The following RWDD2B variants were observed in gnomAD, a reference collection of about 807,000 sequenced individuals.
The protein encoded by RWDD2B is RWD domain-containing protein 2B.
A neutral mutation model predicts 33.6 loss-of-function variants in RWDD2B; 36 were observed. That is an observed-to-expected ratio of 1.07 (90% CI 0.82 to 1.42). The LOEUF (loss-of-function observed/expected upper bound fraction) is 1.42, where lower values mean the gene tolerates loss of function less well. Among genes scored for constraint, RWDD2B ranks in the 40% most tolerant of loss-of-function variants. RWDD2B has a pLI of 0.00. For missense variants in RWDD2B, 364 were observed against 377.5 expected, an observed-to-expected ratio of 0.96 and a Z score of 0.30; for synonymous variants, 126 against 133.1, an observed-to-expected ratio of 0.95 and a Z score of 0.37.
In RWDD2B at chr21:29,006,121, G is replaced by T; in HGVS notation, c.*296C>A. The T allele has an allele frequency of 4.5e-6, 1 of 221,218 alleles. No individual in the cohort carries two copies. The highest frequency in any genetic ancestry group is 8.9e-6 in the Non-Finnish European group (1 of 112,862). 13.7% of individuals were successfully genotyped at this position (221,218 alleles called of 1,614,324 possible). A position where few individuals can be genotyped will look rare whatever the true frequency, so the allele number is the denominator to read the frequency against. On this transcript the variant is annotated 3_prime_UTR_variant, in exon 5 of 5. Coordinates refer to ENST00000493196, the MANE Select transcript of RWDD2B (RefSeq NM_016940.3). Reference sequence around the variant, plus strand: ...GGTAAGGGAGAAGGGGGTTGGGAATGGCTGGCAAATTGGAGCACCAACATT... The same window carrying T: ...GGTAAGGGAGAAGGGGGTTGGGAATTGCTGGCAAATTGGAGCACCAACATT...
At chr21:29,019,093 G>A (rs2084903171) in intron 1 of RWDD2B, 118 bp downstream of exon 1, 1 of 785,162 alleles carries the variant, frequency 1.3e-6, no homozygotes. Flanking sequence ...ATGGGCGCAT[G>A]CAGTGAGGGG....
rs2084822514 is a variant in RWDD2B at position 29,005,196 on chromosome 21, T to C, written c.*1221A>G. ...GTCAGAATACAATTTGCCAAACAAA[T>C]TTTCTAAATTACTAATTTGATGAAT... On this transcript the variant is annotated 3_prime_UTR_variant, in exon 5 of 5. Coordinates refer to ENST00000493196, the MANE Select transcript of RWDD2B (RefSeq NM_016940.3). The C allele has an allele frequency of 6.6e-6, 1 of 152,176 alleles. No homozygotes were observed. The highest frequency in any genetic ancestry group is 2.4e-5 in the African/African-American group (1 of 41,434). 9.4% of individuals were successfully genotyped at this position (152,176 alleles called of 1,614,324 possible).
At chr21:29,013,892 C>G (rs533274158) in intron 1 of RWDD2B, among the ~76,000 whole-genome samples, 1 of 152,156 alleles carries the variant, frequency 6.6e-6, no homozygotes, top group East Asian at 1.9e-4. Context: ...TCTCTATTGT[C>G]TCATGGTACC....
intron 1 of RWDD2B, 75 bp downstream of exon 1, chr21:29,019,136 A>G: frequency 1.6e-6 from 2 of 1,250,998 alleles, no homozygotes; most frequent in Non-Finnish European, 2.3e-6. Context: ...ACGTTCCCAA[A>G]GGGTTGCACT....
At chr21:29,018,807 A>C (rs1331604962) in intron 1 of RWDD2B, among the ~76,000 whole-genome samples, 1 of 152,216 alleles carries the variant, frequency 6.6e-6, no homozygotes, top group African/African-American at 2.4e-5. Flanking sequence ...CCTGGGTAAC[A>C]TAGTAAGAGC....
Position 29,019,194 on chromosome 21 carries a change from G to A in RWDD2B, c.67+17C>T. The A allele has an allele frequency of 1.3e-6, 2 of 1,586,574 alleles. No homozygotes were observed. The highest frequency in any genetic ancestry group is 1.7e-6 in the Non-Finnish European group (2 of 1,166,476). On this transcript the variant is annotated intron_variant, in intron 1 of 4. Transcript: ENST00000493196. ...CCCGTGGCGGTCACCACTGGCGCTA[G>A]CTGAGGCGAGACTCACCTTGAGCCG... is the stretch of plus-strand genomic sequence containing the variant.
rs1351927772 is a variant in RWDD2B at position 29,019,189 on chromosome 21, CGCTA to C, written c.67+18_67+21del. On this transcript the variant is annotated intron_variant, in intron 1 of 4. Transcript: ENST00000493196. ...AAACCCCCGTGGCGGTCACCACTGG[CGCTA>C]GCTGAGGCGAGACTCACCTTGAGCC... 8.2e-6 allele frequency: 13 copies of C among 1,580,762 alleles called. No homozygotes were observed. In the East Asian group the frequency reaches 2.0e-4, roughly 25 times the overall value.
At position 29,006,297 on chromosome 21, in the gene RWDD2B, G is replaced by T; in HGVS notation, c.*120C>A. 1 of 600,476 alleles carries T rather than the reference G, an allele frequency of 1.7e-6. No homozygotes were observed. Among genetic ancestry groups the T allele is most frequent in the South Asian group, 2.6e-5 (1 of 39,136 alleles). 37.2% of individuals were successfully genotyped at this position (600,476 alleles called of 1,614,324 possible). ...TTTCAGCTATACTATTTTTTCTTGT[G>T]CCCCACTCCCCAACATTCTAGAATG... On this transcript the variant is annotated 3_prime_UTR_variant, in exon 5 of 5. Coordinates refer to ENST00000493196, the MANE Select transcript of RWDD2B (RefSeq NM_016940.3).
Position 29,006,217 on chromosome 21 carries a change from G to A in RWDD2B, c.*200C>T, listed in dbSNP as rs534696334. On this transcript the variant is annotated 3_prime_UTR_variant, in exon 5 of 5. Transcript: ENST00000493196. ...AAGAAATATCTAACAACAATTTTAA[G>A]GTTGTAATTTGAAACTCAGTTCTGC... The A allele has an allele frequency of 2.0e-5, 9 of 445,150 alleles. No individual in the cohort carries two copies. Among genetic ancestry groups the A allele is most frequent in the African/African-American group, 1.2e-4 (6 of 49,234 alleles). The allele number at this position is 445,150 out of a possible 1,614,324, so 27.6% of individuals were successfully genotyped here.
rs146828876 is a variant in RWDD2B, at chr21:29,008,453, C to T, written c.236G>A (p.Arg79Gln). Residue 79 changes from arginine to glutamine, a missense_variant, in exon 2 of 5, where the codon CGA becomes CAA. Coordinates refer to ENST00000493196, the MANE Select transcript of RWDD2B (RefSeq NM_016940.3). ...DCIEKKTMEG[R>Q]SSKVYFTINM... ...GATAGTAAAGTAGACTTTTGAAGAT[C>T]GCCCCTCCATTGTCTTCTTTTCAAT... 8.7e-6 allele frequency: 14 copies of T among 1,614,024 alleles called. No individual in the cohort carries two copies. The East Asian group carries it at 8.9e-5, about 10-fold the overall frequency.
chr21:29,016,563 CTT>C (rs542020495), intron 1 of RWDD2B, among the ~76,000 whole-genome samples: 1 of 148,150 alleles, frequency 6.7e-6, no homozygotes, highest in African/African-American at 2.5e-5. Context: ...TGCTCCCGGC[CTT>C]TTTTTTTTTA....
intron 1 of RWDD2B, among the ~76,000 whole-genome samples, chr21:29,018,957 A>T (rs975794444): frequency 1.3e-5 from 2 of 152,136 alleles, no homozygotes; most frequent in Non-Finnish European, 2.9e-5. Flanking sequence ...GACCCAAGCC[A>T]AGACGCTCTC....
At chr21:29,008,713 G>T in intron 1 of RWDD2B, 92 bp from the exon 2 acceptor site, 2 of 794,902 alleles carry the variant, frequency 2.5e-6, no homozygotes, top group Non-Finnish European at 3.9e-6. Flanking sequence ...ATTGTACTTG[G>T]TTTCTTCATA....
intron 1 of RWDD2B, 35 bp downstream of exon 1, chr21:29,019,176 C>G (rs760641886): frequency 1.9e-6 from 3 of 1,542,346 alleles, no homozygotes; most frequent in Admixed American, 3.7e-5. Flanking sequence ...ACCCCCGTGG[C>G]GGTCACCACT....
At chr21:29,013,464 C>T (rs1338794666) in intron 1 of RWDD2B, among the ~76,000 whole-genome samples, 3 of 151,788 alleles carry the variant, frequency 2.0e-5, no homozygotes, top group African/African-American at 4.8e-5. Flanking sequence ...CAGAGGCGGG[C>T]GGATCATGAG....
chr21:29,012,353 T>C (rs553897910), intron 1 of RWDD2B, among the ~76,000 whole-genome samples: 227 of 152,186 alleles, frequency 1.5e-3, no homozygotes, highest in Non-Finnish European at 1.6e-3. Context: ...GGGGAAAAGA[T>C]TGAGAAATCG....
At chr21:29,009,974 T>C (rs1389307512) in intron 1 of RWDD2B, among the ~76,000 whole-genome samples, 1 of 152,198 alleles carries the variant, frequency 6.6e-6, no homozygotes, top group Non-Finnish European at 1.5e-5. Context: ...TATAGTGATC[T>C]ACCTCATTCT....
At chr21:29,019,152 C>A in intron 1 of RWDD2B, 59 bp downstream of exon 1, 1 of 1,401,362 alleles carries the variant, frequency 7.1e-7, no homozygotes, top group Non-Finnish European at 9.9e-7. Context: ...GCACTGGGCG[C>A]TGCAGCGTGG....
chr21:29,013,748 C>T lies in RWDD2B; in HGVS notation c.68-5127G>A, dbSNP rs77457951. 4.8e-4 allele frequency among the ~76,000 whole-genome samples: 71 copies of T among 149,112 alleles called. 1 individual carries two copies. In the East Asian group the frequency reaches 7.3e-3, roughly 15 times the overall value. On this transcript the variant is annotated intron_variant, in intron 1 of 4. Transcript: ENST00000493196. ...ACAGAAAAAGACGATATGTTTATAA[C>T]GTAGAATTTTCCCTTCAGTAGTTTT...
Sources: gnomAD v4.1 joint callset for allele counts (sites outside exome capture counted in the v4.1 genomes callset) on GRCh38, gnomAD v4.1.1 for gene constraint, MANE v1.5 for transcripts, NCBI Gene and HGNC (gene_info 2026-07-23, HGNC 2026-07-21) for gene names.